Variants in NAV3 observed in about 807,000 individuals in gnomAD.
NAV3 encodes neuron navigator 3, also known as pore membrane and/or filament interacting like protein 1.
Under a neutral mutation model 244.7 loss-of-function variants are expected in NAV3, and 87 were observed. That is an observed-to-expected ratio of 0.36 (90% CI 0.30 to 0.42). The LOEUF is 0.42. Ranked by LOEUF, NAV3 falls within the 20% of genes least tolerant of loss-of-function variation. The pLI, the probability that NAV3 is intolerant of heterozygous loss-of-function variation, is 1.00. For synonymous variants in NAV3, 1,126 were observed against 1,042.2 expected (o/e 1.08, Z -1.55); for missense variants, 2,663 against 2,893.3 (o/e 0.92, Z 1.83).
intron 2 of NAV3, among the ~76,000 whole-genome samples, chr12:77,746,863 T>C (rs568950178): frequency 6.6e-6 from 1 of 152,306 alleles, no homozygotes; most frequent in Admixed American, 6.5e-5. Context: ...TTTCCTGTGT[T>C]ACTATTTCTA....
chr12:77,863,117 C>T (rs1879495172), intron 1 of NAV3, among the ~76,000 whole-genome samples: 1 of 151,794 alleles, frequency 6.6e-6, no homozygotes, highest in South Asian at 2.1e-4. Flanking sequence ...TGCAGCTGCT[C>T]AGACCAATCC....
intron 11 of NAV3, chr12:78,056,443 T>C (rs1225101507): frequency 1.3e-5 from 2 of 152,198 alleles, no homozygotes; most frequent in Non-Finnish European, 2.9e-5. Flanking sequence ...GAAGTATTTA[T>C]GCTGGCCGGG....
chr12:77,733,309 T>A (rs897717669), intron 2 of NAV3, among the ~76,000 whole-genome samples: 8 of 151,786 alleles, frequency 5.3e-5, no homozygotes, highest in African/African-American at 1.9e-4. Flanking sequence ...GAAAAACCAT[T>A]TATCAATAAG....
At chr12:78,178,436 C>T (rs1324339684) in intron 28 of NAV3, among the ~76,000 whole-genome samples, 1 of 152,056 alleles carries the variant, frequency 6.6e-6, no homozygotes, top group African/African-American at 2.4e-5. Flanking sequence ...ACTGGGATTA[C>T]AGGTGCGAGC....
At chr12:77,906,626 G>A (rs1886007584) in intron 1 of NAV3, among the ~76,000 whole-genome samples, 2 of 152,066 alleles carry the variant, frequency 1.3e-5, no homozygotes, top group African/African-American at 2.4e-5. Flanking sequence ...CACAATCTGA[G>A]TTCAAATCTC....
intron 2 of NAV3, among the ~76,000 whole-genome samples, chr12:77,744,705 CA>C (rs548994182): frequency 6.6e-6 from 1 of 151,862 alleles, no homozygotes; most frequent in South Asian, 2.1e-4. Flanking sequence ...TATAGAGTAT[CA>C]AACCTCCCGT....
intron 9 of NAV3, among the ~76,000 whole-genome samples, chr12:78,048,329 T>C (rs1298010437): frequency 6.6e-6 from 1 of 152,024 alleles, no homozygotes; most frequent in African/African-American, 2.4e-5. Flanking sequence ...TTTTGCACTG[T>C]TTTTTTTCTC....
At chr12:77,847,674 T>C (rs528971053) in intron 1 of NAV3, among the ~76,000 whole-genome samples, 1 of 152,348 alleles carries the variant, frequency 6.6e-6, no homozygotes, top group Non-Finnish European at 1.5e-5. Flanking sequence ...ACCACTATTT[T>C]TCTTTCTCTT....
intron 2 of NAV3, among the ~76,000 whole-genome samples, chr12:77,669,718 C>G (rs545734992): frequency 6.6e-6 from 1 of 152,122 alleles, no homozygotes; most frequent in African/African-American, 2.4e-5. Flanking sequence ...ACTACTAGAC[C>G]TAAGAAGTAA....
chr12:78,036,784 A>G, intron 9 of NAV3: 3 of 602,532 alleles, frequency 5.0e-6, no homozygotes, highest in Non-Finnish European at 8.9e-6. Flanking sequence ...TGATAATCAA[A>G]ATCAAATGGA....
chr12:78,190,222 A>G lies in NAV3; in HGVS notation c.6291+3A>G, dbSNP rs1449101504. The stretch of plus-strand genomic sequence containing the variant: ...ATGTGGACCACAAGTCAAGTAAGGT[A>G]TGTTACAGAATTCTAAGAGAACAGC... On this transcript the variant is annotated splice_donor_region_variant and intron_variant, in intron 34 of 39. Transcript: ENST00000397909. 8 of 1,605,986 alleles carry G rather than the reference A, an allele frequency of 5.0e-6. No homozygotes were observed. The highest frequency in any genetic ancestry group is 6.8e-6 in the Non-Finnish European group (8 of 1,174,334).
chr12:77,949,152 A>C (rs1325389303), intron 3 of NAV3, among the ~76,000 whole-genome samples: 1 of 152,066 alleles, frequency 6.6e-6, no homozygotes, highest in Non-Finnish European at 1.5e-5. Flanking sequence ...CAAACATAAC[A>C]AGAAATACTG....
intron 3 of NAV3, among the ~76,000 whole-genome samples, chr12:77,951,818 G>A (rs1056851794): frequency 2.6e-5 from 4 of 151,954 alleles, no homozygotes; most frequent in Non-Finnish European, 1.5e-5. Flanking sequence ...CTATCTCAAG[G>A]ACAAAAAACC....
intron 2 of NAV3, among the ~76,000 whole-genome samples, chr12:77,702,189 C>T (rs1875592407): frequency 1.3e-5 from 2 of 152,110 alleles, no homozygotes; most frequent in African/African-American, 4.8e-5. Flanking sequence ...GATAAATTGA[C>T]TCTATCATTA....
intron 2 of NAV3, among the ~76,000 whole-genome samples, chr12:77,799,712 A>G (rs1425081508): frequency 1.3e-5 from 2 of 152,148 alleles, no homozygotes; most frequent in Admixed American, 1.3e-4. Flanking sequence ...TGGGTTGTGT[A>G]CAAGCAGATG....
chr12:78,188,721 T>C lies in NAV3; in HGVS notation c.5999T>C (p.Leu2000Ser), dbSNP rs552106704. ...IRSHNLEVPE[L>S]LPCGYLVGDN... ...TCCCATAACCTAGAAGTGCCTGAAT[T>C]GCTGCCTTGTGGATACCTTGTTGGA... Residue 2000 changes from leucine to serine, a missense_variant, in exon 33 of 40, where the codon TTG (leucine) becomes TCG (serine). Physicochemically the swap from Leu to Ser is moderately radical, Grantham distance 145 (BLOSUM62 -2). Coordinates refer to ENST00000397909, the MANE Select transcript of NAV3 (RefSeq NM_001024383.2). The C allele has an allele frequency of 6.2e-6, 10 of 1,612,468 alleles. 1 individual carries two copies. The South Asian group carries it at 8.8e-5, about 14-fold the overall frequency.
intron 31 of NAV3, among the ~76,000 whole-genome samples, chr12:78,186,955 T>C (rs563167804): frequency 5.9e-5 from 9 of 151,964 alleles, no homozygotes; most frequent in African/African-American, 2.2e-4. Flanking sequence ...CTGAATTATC[T>C]ACTTTACCCA....
At chr12:78,188,823 A>G (rs1958842843) in intron 33 of NAV3, 46 bp downstream of exon 33, 5 of 1,585,134 alleles carry the variant, frequency 3.2e-6, no homozygotes, top group Non-Finnish European at 4.3e-6. Flanking sequence ...ATTTTTAGCA[A>G]CATTTTATTC....
chr12:78,156,246 T>C (rs1266929022), intron 22 of NAV3, among the ~76,000 whole-genome samples: 1 of 151,988 alleles, frequency 6.6e-6, no homozygotes, highest in Non-Finnish European at 1.5e-5. Flanking sequence ...CATTTATTAA[T>C]TGTTTTTTCA....
Sources: allele counts gnomAD v4.1 joint callset (sites outside exome capture counted in the v4.1 genomes callset), GRCh38; gene constraint gnomAD v4.1.1; transcripts MANE v1.5; gene names NCBI Gene and HGNC (gene_info 2026-07-23, HGNC 2026-07-21).